HPSE2: variants seen among roughly 807,000 people sequenced by gnomAD.
HPSE2 encodes the protein inactive heparanase-2.
A neutral mutation model predicts 60.5 loss-of-function variants in HPSE2; 38 were observed. That is an observed-to-expected ratio of 0.63 (90% CI 0.48 to 0.82). HPSE2 has a LOEUF of 0.82. Among genes scored for constraint, HPSE2 ranks in the 40% least tolerant of loss-of-function variants. HPSE2 has a pLI of 0.00. For synonymous variants in HPSE2, 295 were observed against 293.2 expected (o/e 1.01, Z -0.06); for missense variants, 713 against 740.4 (o/e 0.96, Z 0.43).
chr10:98,697,017 G>A (rs1322624891), intron 5 of HPSE2, among the ~76,000 whole-genome samples: 3 of 151,778 alleles, frequency 2.0e-5, no homozygotes, highest in Non-Finnish European at 2.9e-5. Flanking sequence ...AAGATTGATA[G>A]TAGACAAACT....
At chr10:98,645,869 G>A (rs1434893900) in intron 6 of HPSE2, among the ~76,000 whole-genome samples, 2 of 152,114 alleles carry the variant, frequency 1.3e-5, no homozygotes, top group Non-Finnish European at 2.9e-5. Flanking sequence ...CAGCTACTCC[G>A]GAGGCTGAGT....
rs1031372689 is a variant in HPSE2, at chr10:98,457,465, A to G, written c.*2109T>C. On this transcript the variant is annotated 3_prime_UTR_variant, in exon 12 of 12. Coordinates refer to ENST00000370552, the MANE Select transcript of HPSE2 (RefSeq NM_021828.5). Reference sequence around the variant, plus strand: ...AGTAGTACCCCTTTATCATGGGGTTACTAAGGACGCAAAGCAAACCATAGG... The same window carrying G: ...AGTAGTACCCCTTTATCATGGGGTTGCTAAGGACGCAAAGCAAACCATAGG... The G allele has an allele frequency of 6.6e-6, 1 of 152,318 alleles. No homozygotes were observed. Among genetic ancestry groups the G allele is most frequent in the South Asian group, 2.1e-4 (1 of 4,828 alleles). The allele number at this position is 152,318 out of a possible 1,614,324, so 9.4% of individuals were successfully genotyped here.
chr10:98,747,169 AT>A (rs1288415029), intron 3 of HPSE2, among the ~76,000 whole-genome samples: 1 of 152,120 alleles, frequency 6.6e-6, no homozygotes, highest in Non-Finnish European at 1.5e-5. Context: ...ATCATAAAAA[AT>A]ACTCAATATT....
chr10:98,510,407 C>T (rs1205545423), intron 9 of HPSE2, among the ~76,000 whole-genome samples: 1 of 152,128 alleles, frequency 6.6e-6, no homozygotes. Flanking sequence ...AGATCTTATC[C>T]CTAGCTTTTT....
chr10:99,282,586 A>G, the HPSE2 span, among the ~76,000 whole-genome samples: 1 of 152,228 alleles, frequency 6.6e-6, no homozygotes, highest in Non-Finnish European at 1.5e-5. Flanking sequence ...AGTGCACAAG[A>G]AACATTTTCC....
intron 3 of HPSE2, among the ~76,000 whole-genome samples, chr10:99,021,153 C>A (rs1441669657): frequency 6.6e-6 from 1 of 152,196 alleles, no homozygotes; most frequent in East Asian, 1.9e-4. Context: ...TAACACTCAA[C>A]CTACAAACTA....
chr10:99,020,382 ACTTT>A (rs1243038428), intron 3 of HPSE2, among the ~76,000 whole-genome samples: 1 of 152,174 alleles, frequency 6.6e-6, no homozygotes, highest in Non-Finnish European at 1.5e-5. Context: ...AGGTGAAGTG[ACTTT>A]CTAAGGTCCC....
chr10:99,045,453 C>T (rs1404447592), intron 3 of HPSE2, among the ~76,000 whole-genome samples: 1 of 151,970 alleles, frequency 6.6e-6, no homozygotes, highest in East Asian at 1.9e-4. Flanking sequence ...AACAAACCAA[C>T]CCTAAAGCTA....
At chr10:98,558,002 A>T (rs547471454) in intron 9 of HPSE2, among the ~76,000 whole-genome samples, 1 of 152,288 alleles carries the variant, frequency 6.6e-6, no homozygotes, top group Admixed American at 6.5e-5. Context: ...CAGACATCTC[A>T]TAAAAGTAAC....
chr10:98,754,824 C>T (rs1477970579), intron 3 of HPSE2, among the ~76,000 whole-genome samples: 9 of 151,552 alleles, frequency 5.9e-5, no homozygotes, highest in Non-Finnish European at 1.3e-4. Context: ...CCTTTTCAGA[C>T]AAGCAAAAGG....
rs147687228 is a variant in HPSE2 at position 98,794,390 on chromosome 10, C to T, written c.611-50334G>A. On this transcript the variant is annotated intron_variant, in intron 3 of 11. Coordinates refer to ENST00000370552, the MANE Select transcript of HPSE2 (RefSeq NM_021828.5). The stretch of plus-strand genomic sequence containing the variant: ...TCCTGAGTAGCTGGGATTACAGGTG[C>T]GAACCACCATGCCCAGCTATTATTT... Among the ~76,000 whole-genome samples the T allele has an allele frequency of 6.2e-4, 94 of 151,962 alleles. 1 individual carries two copies. In the East Asian group the frequency reaches 0.014, roughly 23 times the overall value.
At position 99,006,717 on chromosome 10, in the gene HPSE2, T is replaced by C. The variant is rs111489712; in HGVS notation, c.610+137521A>G. 2.3e-3 allele frequency among the ~76,000 whole-genome samples: 353 copies of C among 152,234 alleles called. 1 individual carries two copies. The highest frequency in any genetic ancestry group is 8.0e-3 in the African/African-American group (334 of 41,524). The stretch of plus-strand genomic sequence containing the variant: ...AACCTACAGCCCAAGTCTGTAGAGG[T>C]TGGCCTGGTGCTATGTCATGCCTGA... On this transcript the variant is annotated intron_variant, in intron 3 of 11. Coordinates refer to ENST00000370552, the MANE Select transcript of HPSE2 (RefSeq NM_021828.5).
At chr10:98,741,551 A>C (rs977643183) in intron 4 of HPSE2, among the ~76,000 whole-genome samples, 5 of 151,728 alleles carry the variant, frequency 3.3e-5, no homozygotes, top group Admixed American at 2.6e-4. Flanking sequence ...CCACAAAATC[A>C]CTCCAATTAT....
chr10:99,039,951 G>A (rs1957699534), intron 3 of HPSE2, among the ~76,000 whole-genome samples: 1 of 152,138 alleles, frequency 6.6e-6, no homozygotes, highest in South Asian at 2.1e-4. Flanking sequence ...TGATTTTCAA[G>A]TACAAATGTC....
At chr10:98,701,333 C>T (rs1948401941) in intron 5 of HPSE2, among the ~76,000 whole-genome samples, 1 of 147,836 alleles carries the variant, frequency 6.8e-6, no homozygotes, top group Non-Finnish European at 1.5e-5. Flanking sequence ...AGTTCATGTC[C>T]TTCGTAGGGA....
the HPSE2 span, among the ~76,000 whole-genome samples, chr10:99,243,794 G>A: frequency 6.6e-6 from 1 of 151,968 alleles, no homozygotes; most frequent in African/African-American, 2.4e-5. Context: ...AACTTAGCTG[G>A]GCATGGTGGC....
At chr10:98,758,977 T>C (rs10883190) in intron 3 of HPSE2, among the ~76,000 whole-genome samples, 144,042 of 152,282 alleles carry the variant, frequency 0.95, 68,620 homozygotes, top group East Asian at 1. Context: ...AAATGTGGTA[T>C]ATACACAGCA....
chr10:98,827,372 A>AT (rs910460384), intron 3 of HPSE2, among the ~76,000 whole-genome samples: 2 of 151,606 alleles, frequency 1.3e-5, no homozygotes, highest in East Asian at 2.0e-4. Context: ...CGCCCGGCTA[A>AT]TTTTTTTGTA....
intron 3 of HPSE2, among the ~76,000 whole-genome samples, chr10:98,885,190 T>A (rs1434614561): frequency 6.6e-6 from 1 of 152,068 alleles, no homozygotes; most frequent in Non-Finnish European, 1.5e-5. Flanking sequence ...GTGGTAGAAA[T>A]AACAAAAGAA....
Sources: gnomAD v4.1 joint callset for allele counts (sites outside exome capture counted in the v4.1 genomes callset) on GRCh38, gnomAD v4.1.1 for gene constraint, MANE v1.5 for transcripts, NCBI Gene and HGNC (gene_info 2026-07-23, HGNC 2026-07-21) for gene names.